Variants in RAD51B observed in about 807,000 individuals in gnomAD.
RAD51B encodes DNA repair protein RAD51 homolog 2.
A neutral mutation model predicts 42.2 loss-of-function variants in RAD51B; 38 were observed. That is an observed-to-expected ratio of 0.90 (90% CI 0.70 to 1.18). The LOEUF is 1.18. Among genes scored for constraint, RAD51B ranks in the 50% most tolerant of loss-of-function variants. The pLI, the probability that RAD51B is intolerant of heterozygous loss-of-function variation, is 0.00. For synonymous variants in RAD51B, 154 were observed against 145.2 expected (o/e 1.06, Z -0.43); for missense variants, 373 against 400.7 (o/e 0.93, Z 0.59).
At chr14:68,339,554 T>C (rs943695345) in intron 8 of RAD51B, 2 of 360,962 alleles carry the variant, frequency 5.5e-6, no homozygotes, top group Non-Finnish European at 4.9e-6. Flanking sequence ...GAGAGACTTA[T>C]GGTTGCCATA....
At chr14:68,622,223 C>A (rs1891965065) in intron 10 of RAD51B, among the ~76,000 whole-genome samples, 1 of 152,224 alleles carries the variant, frequency 6.6e-6, no homozygotes, top group Non-Finnish European at 1.5e-5. Context: ...GGATTAGACC[C>A]TTCACAGACG....
chr14:68,673,899 CACAT>C (rs1390447997), intron 11 of RAD51B, among the ~76,000 whole-genome samples: 4 of 150,666 alleles, frequency 2.7e-5, no homozygotes, highest in Non-Finnish European at 5.9e-5. Flanking sequence ...TACATGCACA[CACAT>C]ACTGTACACA....
intron 4 of RAD51B, among the ~76,000 whole-genome samples, chr14:67,847,673 T>A (rs907344497): frequency 3.3e-5 from 5 of 152,346 alleles, no homozygotes; most frequent in Non-Finnish European, 7.4e-5. Flanking sequence ...TTTAAAAAAA[T>A]TTATTGACAC....
At chr14:68,348,761 T>G (rs1392603578) in intron 8 of RAD51B, among the ~76,000 whole-genome samples, 1 of 152,046 alleles carries the variant, frequency 6.6e-6, no homozygotes, top group Non-Finnish European at 1.5e-5. Context: ...TAACCAGGCA[T>G]GGTGGGGGGC....
chr14:68,240,323 C>T (rs2080356457), intron 7 of RAD51B, among the ~76,000 whole-genome samples: 1 of 152,176 alleles, frequency 6.6e-6, no homozygotes. Flanking sequence ...TATACAGCCA[C>T]TTAGGGAAGG....
intron 9 of RAD51B, among the ~76,000 whole-genome samples, chr14:68,422,530 AGCCTGG>A (rs1467844189): frequency 7.2e-6 from 1 of 139,266 alleles, no homozygotes; most frequent in Non-Finnish European, 1.5e-5. Flanking sequence ...ACTGCACTCC[AGCCTGG>A]GTGACATGGC....
chr14:67,874,086 A>G (rs1211352710), intron 5 of RAD51B, among the ~76,000 whole-genome samples: 1 of 151,646 alleles, frequency 6.6e-6, no homozygotes, highest in Non-Finnish European at 1.5e-5. Context: ...CTTAAAGTAT[A>G]ATAATAATAA....
At chr14:68,121,476 C>A (rs1156394845) in intron 7 of RAD51B, among the ~76,000 whole-genome samples, 2 of 152,076 alleles carry the variant, frequency 1.3e-5, no homozygotes, top group Non-Finnish European at 1.5e-5. Flanking sequence ...ATCTAAGGAT[C>A]CACAATCCTT....
At chr14:67,972,082 C>T (rs1245875713) in intron 7 of RAD51B, among the ~76,000 whole-genome samples, 1 of 150,382 alleles carries the variant, frequency 6.6e-6, no homozygotes, top group Non-Finnish European at 1.5e-5. Flanking sequence ...ATAATCCTAA[C>T]CCTTGTACTC....
intron 7 of RAD51B, among the ~76,000 whole-genome samples, chr14:68,098,669 A>C (rs902209325): frequency 2.0e-5 from 3 of 152,358 alleles, no homozygotes; most frequent in African/African-American, 7.2e-5. Flanking sequence ...CAATGGATTC[A>C]GATTATCTCC....
At position 68,046,119 on chromosome 14, in the gene RAD51B, G is replaced by T. The variant is rs1009097526; in HGVS notation, c.756+158915G>T. On this transcript the variant is annotated intron_variant, in intron 7 of 10. Transcript: ENST00000471583. ...GACTTTTTAGACCATTGCTGTAAAA[G>T]ACTTTTATATTTTTTATTTTTTGAG... is the stretch of plus-strand genomic sequence containing the variant. Among the ~76,000 whole-genome samples the T allele has an allele frequency of 2.0e-5, 3 of 152,032 alleles. No homozygotes were observed. In the South Asian group the frequency reaches 6.2e-4, roughly 32 times the overall value.
At chr14:68,120,678 G>A (rs1356839796) in intron 7 of RAD51B, among the ~76,000 whole-genome samples, 1 of 151,888 alleles carries the variant, frequency 6.6e-6, no homozygotes, top group Non-Finnish European at 1.5e-5. Flanking sequence ...TCACCCTTTG[G>A]GAGCCTGGAA....
chr14:68,365,152 C>A (rs879223559), intron 8 of RAD51B, among the ~76,000 whole-genome samples: 1 of 152,172 alleles, frequency 6.6e-6, no homozygotes, highest in Non-Finnish European at 1.5e-5. Flanking sequence ...CTGAGGGAGA[C>A]GTACTTTATG....
At chr14:68,094,817 G>A (rs1340817523) in intron 7 of RAD51B, among the ~76,000 whole-genome samples, 2 of 152,206 alleles carry the variant, frequency 1.3e-5, no homozygotes, top group Non-Finnish European at 2.9e-5. Flanking sequence ...AAATATTTCA[G>A]TTGTTCTGAA....
intron 7 of RAD51B, among the ~76,000 whole-genome samples, chr14:68,078,061 A>G (rs1295815268): frequency 2.0e-5 from 3 of 152,268 alleles, no homozygotes; most frequent in Non-Finnish European, 4.4e-5. Flanking sequence ...CATGTCATAT[A>G]TGTAACATGC....
intron 7 of RAD51B, among the ~76,000 whole-genome samples, chr14:68,167,279 T>G (rs956339189): frequency 2.0e-5 from 3 of 152,144 alleles, no homozygotes; most frequent in African/African-American, 7.2e-5. Context: ...TGTTGGACAT[T>G]CTACATTCTC....
intron 8 of RAD51B, among the ~76,000 whole-genome samples, chr14:68,364,524 G>T (rs2083101046): frequency 6.6e-6 from 1 of 152,180 alleles, no homozygotes; most frequent in African/African-American, 2.4e-5. Context: ...CTCGCCAGCA[G>T]CCCCCTCCCC....
At chr14:68,078,524 G>A (rs1041604965) in intron 7 of RAD51B, among the ~76,000 whole-genome samples, 4 of 151,808 alleles carry the variant, frequency 2.6e-5, no homozygotes. Context: ...TAAAGATGAA[G>A]CAGCTTGTCT....
At chr14:68,362,335 A>G (rs1158871215) in intron 8 of RAD51B, among the ~76,000 whole-genome samples, 1 of 152,234 alleles carries the variant, frequency 6.6e-6, no homozygotes, top group Non-Finnish European at 1.5e-5. Context: ...ATTTATTACT[A>G]TGCATCAAGC....
Sources: gnomAD v4.1 joint callset for allele counts (sites outside exome capture counted in the v4.1 genomes callset) on GRCh38, gnomAD v4.1.1 for gene constraint, MANE v1.5 for transcripts, NCBI Gene and HGNC (gene_info 2026-07-23, HGNC 2026-07-21) for gene names.